The following NALF1 variants were observed in gnomAD, a reference collection of about 807,000 sequenced individuals.
The protein encoded by NALF1 is family with sequence similarity 155 member A.
In NALF1, 3 loss-of-function variants were observed where a neutral mutation model predicts 48.4. The observed-to-expected ratio is 0.06, with a 90% CI of 0.03 to 0.16. The LOEUF (loss-of-function observed/expected upper bound fraction) is 0.16, where lower values mean the gene tolerates loss of function less well. Ranked by LOEUF, NALF1 falls within the 10% of genes least tolerant of loss-of-function variation. NALF1 has a pLI of 1.00. For synonymous variants in NALF1, 262 were observed against 245.7 expected, an observed-to-expected ratio of 1.07 and a Z score of -0.62; for missense variants, 526 against 571.5, an observed-to-expected ratio of 0.92 and a Z score of 0.81.
At chr13:107,196,673 C>T (rs1294955153) in intron 2 of NALF1, among the ~76,000 whole-genome samples, 1 of 152,052 alleles carries the variant, frequency 6.6e-6, no homozygotes, top group African/African-American at 2.4e-5. Flanking sequence ...GATGATAAAA[C>T]AGTGGTCTCC....
At chr13:107,627,804 A>G (rs1025300939) in intron 1 of NALF1, among the ~76,000 whole-genome samples, 2 of 152,064 alleles carry the variant, frequency 1.3e-5, no homozygotes, top group Non-Finnish European at 2.9e-5. Flanking sequence ...TTCAATATAA[A>G]TACTTCTGTA....
chr13:107,380,629 C>G (rs975901438), intron 1 of NALF1, among the ~76,000 whole-genome samples: 1 of 152,036 alleles, frequency 6.6e-6, no homozygotes, highest in African/African-American at 2.4e-5. Flanking sequence ...TAAAAATATT[C>G]TATTTTGAAG....
At chr13:107,675,745 TC>T (rs1475213470) in intron 1 of NALF1, among the ~76,000 whole-genome samples, 1 of 152,166 alleles carries the variant, frequency 6.6e-6, no homozygotes, top group Non-Finnish European at 1.5e-5. Context: ...GCATGTCAAT[TC>T]TTGTCCTCGT....
At chr13:107,203,989 G>T (rs1304994785) in intron 2 of NALF1, among the ~76,000 whole-genome samples, 1 of 136,670 alleles carries the variant, frequency 7.3e-6, no homozygotes, top group Non-Finnish European at 1.7e-5. Context: ...TGTCACCCAG[G>T]TGAGCTGGAG....
intron 2 of NALF1, among the ~76,000 whole-genome samples, chr13:107,201,308 A>G (rs1435417510): frequency 1.3e-5 from 2 of 152,202 alleles, no homozygotes; most frequent in African/African-American, 4.8e-5. Context: ...GTTCACAATG[A>G]AATGCTACAT....
At chr13:107,250,781 T>A (rs938524345) in intron 1 of NALF1, among the ~76,000 whole-genome samples, 1 of 152,148 alleles carries the variant, frequency 6.6e-6, no homozygotes, top group Admixed American at 6.5e-5. Context: ...AGGGGCCTAG[T>A]GGGAAGTGAT....
At chr13:107,764,870 T>C (rs11620185) in intron 1 of NALF1, among the ~76,000 whole-genome samples, 11,597 of 152,246 alleles carry the variant, frequency 0.076, 516 homozygotes, top group African/African-American at 0.1. Context: ...TGCAGACGGC[T>C]GCATTCAATT....
chr13:107,412,788 C>T lies in NALF1; in HGVS notation c.916-202033G>A, dbSNP rs527343445. ...ACATTAACCAATGTTGTGAGGGCAC[C>T]GGTTTCAGCCCTATTACAAGAGAGA... is the stretch of plus-strand genomic sequence containing the variant. On this transcript the variant is annotated intron_variant, in intron 1 of 2. Coordinates refer to ENST00000375915, the MANE Select transcript of NALF1 (RefSeq NM_001080396.3). Among the ~76,000 whole-genome samples, 9 of 152,254 alleles carry T rather than the reference C, an allele frequency of 5.9e-5. No homozygotes were observed. The South Asian group carries it at 1.2e-3, about 21-fold the overall frequency.
chr13:107,447,006 T>C (rs1272034964), intron 1 of NALF1, among the ~76,000 whole-genome samples: 2 of 152,194 alleles, frequency 1.3e-5, no homozygotes, highest in Admixed American at 1.3e-4. Context: ...ATTGGAGACA[T>C]CAAATAAATA....
chr13:107,655,183 C>T (rs1482916621), intron 1 of NALF1, among the ~76,000 whole-genome samples: 1 of 152,004 alleles, frequency 6.6e-6, no homozygotes, highest in Non-Finnish European at 1.5e-5. Context: ...AAAGGGGATG[C>T]AAATCGGTAA....
intron 1 of NALF1, among the ~76,000 whole-genome samples, chr13:107,726,024 G>A (rs1381278297): frequency 2.0e-5 from 3 of 152,140 alleles, no homozygotes; most frequent in African/African-American, 7.2e-5. Context: ...CACCTACTAA[G>A]TGGGGTGGAT....
At chr13:107,719,381 A>G (rs765804896) in intron 1 of NALF1, among the ~76,000 whole-genome samples, 8 of 152,018 alleles carry the variant, frequency 5.3e-5, no homozygotes, top group Non-Finnish European at 1.0e-4. Flanking sequence ...AATCTCTCTA[A>G]AGTCTCCTGT....
Position 107,324,664 on chromosome 13 carries a change from G to A in NALF1, c.916-113909C>T, listed in dbSNP as rs1882317474. Among the ~76,000 whole-genome samples, 5 of 152,238 alleles carry A rather than the reference G, an allele frequency of 3.3e-5. No individual in the cohort carries two copies. In the South Asian group the frequency reaches 1.0e-3, roughly 32 times the overall value. On this transcript the variant is annotated intron_variant, in intron 1 of 2. Coordinates refer to ENST00000375915, the MANE Select transcript of NALF1 (RefSeq NM_001080396.3). ...ACTCATAGAATGTTGCGTATCAGTT[G>A]TGTTTGTGTGCCTGTGTGTGTGCAC...
intron 1 of NALF1, among the ~76,000 whole-genome samples, chr13:107,738,057 C>T (rs745898146): frequency 1.3e-5 from 2 of 152,152 alleles, no homozygotes; most frequent in Admixed American, 6.6e-5. Context: ...CGGCTCTTTG[C>T]AGTCAGCACT....
intron 1 of NALF1, among the ~76,000 whole-genome samples, chr13:107,500,924 G>A (rs1875501614): frequency 6.6e-6 from 1 of 151,814 alleles, no homozygotes; most frequent in Non-Finnish European, 1.5e-5. Flanking sequence ...GACACAGGAA[G>A]GGGAACATCA....
At chr13:107,264,962 A>T (rs1881010787) in intron 1 of NALF1, among the ~76,000 whole-genome samples, 1 of 152,182 alleles carries the variant, frequency 6.6e-6, no homozygotes, top group South Asian at 2.1e-4. Context: ...GCTTGCATGA[A>T]AGTTTTTGTA....
intron 1 of NALF1, among the ~76,000 whole-genome samples, chr13:107,604,637 A>C (rs1218080425): frequency 1.3e-5 from 2 of 152,216 alleles, no homozygotes; most frequent in East Asian, 1.9e-4. Flanking sequence ...ATGAAAGAAG[A>C]GGGAGAATAT....
intron 2 of NALF1, among the ~76,000 whole-genome samples, chr13:107,172,375 C>G (rs1878825251): frequency 6.6e-6 from 1 of 152,152 alleles, no homozygotes; most frequent in Non-Finnish European, 1.5e-5. Flanking sequence ...CAATATGTAG[C>G]AGAATGCCTG....
At chr13:107,214,901 A>G (rs1879839682) in intron 1 of NALF1, among the ~76,000 whole-genome samples, 1 of 152,218 alleles carries the variant, frequency 6.6e-6, no homozygotes, top group Admixed American at 6.5e-5. Flanking sequence ...TTTTACAAAT[A>G]AGGAAACGTA....
Sources: gnomAD v4.1 joint callset for allele counts (sites outside exome capture counted in the v4.1 genomes callset) on GRCh38, gnomAD v4.1.1 for gene constraint, MANE v1.5 for transcripts, NCBI Gene and HGNC (gene_info 2026-07-23, HGNC 2026-07-21) for gene names.